Variants in CELF2 observed in about 807,000 individuals in gnomAD.
CELF2 encodes CUG triplet repeat RNA-binding protein 2.
Under a neutral mutation model 62.6 loss-of-function variants are expected in CELF2, and 8 were observed. The ratio of observed to expected loss-of-function variants is 0.13; its 90% CI spans 0.07 to 0.23. The LOEUF is 0.23. Ranked by LOEUF, CELF2 falls within the 10% of genes least tolerant of loss-of-function variation. The probability of loss-of-function intolerance (pLI) is 1.00; values close to 1 mark genes in which losing one functional copy is unlikely to be tolerated. For synonymous variants in CELF2, 258 were observed against 250.0 expected, an observed-to-expected ratio of 1.03 and a Z score of -0.30; for missense variants, 333 against 671.0, an observed-to-expected ratio of 0.50 and a Z score of 5.56.
chr10:10,490,003 T>G, the CELF2 span, among the ~76,000 whole-genome samples: 1 of 152,136 alleles, frequency 6.6e-6, no homozygotes, highest in African/African-American at 2.4e-5. Flanking sequence ...CAGAGTACTT[T>G]ATGGCATGAC....
At chr10:10,643,591 G>T in the CELF2 span, among the ~76,000 whole-genome samples, 6 of 152,024 alleles carry the variant, frequency 3.9e-5, no homozygotes, top group Non-Finnish European at 7.4e-5. Context: ...TTGAAAAATT[G>T]GACCACAGAA....
At chr10:11,131,114 C>T (rs1468920990) in intron 1 of CELF2, among the ~76,000 whole-genome samples, 2 of 152,218 alleles carry the variant, frequency 1.3e-5, no homozygotes, top group Non-Finnish European at 2.9e-5. Flanking sequence ...CAATACACCT[C>T]AAAGTTTGAA....
At chr10:10,821,155 T>C (rs545784276) in intron 1 of CELF2, among the ~76,000 whole-genome samples, 1 of 152,342 alleles carries the variant, frequency 6.6e-6, no homozygotes, top group South Asian at 2.1e-4. Context: ...GATTGAATCC[T>C]GCCAGGCAAC....
rs202135447 is a variant in CELF2, at chr10:10,823,073, C to CA, written c.53+24262dup. 9.3e-3 allele frequency among the ~76,000 whole-genome samples: 1,416 copies of CA among 151,936 alleles called. 19 individuals carry two copies. The highest frequency in any genetic ancestry group is 0.032 in the African/African-American group (1,330 of 41,472). On this transcript the variant is annotated intron_variant, in intron 1 of 13. Coordinates refer to the CELF2 transcript ENST00000636488. ...AATAAAATATTTTCTTGAAATGGAG[C>CA]AAAAAAGACCCTTAAAATGGCATAT...
chr10:10,829,180 T>C (rs1219795615), intron 1 of CELF2, among the ~76,000 whole-genome samples: 1 of 152,252 alleles, frequency 6.6e-6, no homozygotes, highest in Non-Finnish European at 1.5e-5. Context: ...GATACGTATC[T>C]TGAATATTGA....
At position 11,224,998 on chromosome 10, in the gene CELF2, TG is replaced by T. The variant is rs767833067; in HGVS notation, c.354+7495del. 2.6e-5 allele frequency among the ~76,000 whole-genome samples: 4 copies of T among 152,092 alleles called. No individual in the cohort carries two copies. The highest frequency in any genetic ancestry group is 5.9e-5 in the Non-Finnish European group (4 of 68,016). ...GCTGGACACTTACAGGAGGGCGGTG[TG>T]GGGAGGGAAAGAAGTTTCGTCTGTC... On this transcript the variant is annotated intron_variant, in intron 3 of 12. Transcript: ENST00000633077. The surrounding 1 kb of genome is among the most constrained non-coding windows in gnomAD (Gnocchi z 4.5).
chr10:10,653,311 G>A, the CELF2 span, among the ~76,000 whole-genome samples: 1 of 150,316 alleles, frequency 6.7e-6, no homozygotes, highest in African/African-American at 2.4e-5. Context: ...AGATCAACGA[G>A]ACAGAAAGTC....
the CELF2 span, among the ~76,000 whole-genome samples, chr10:10,671,725 T>A: frequency 4.6e-5 from 7 of 151,986 alleles, no homozygotes; most frequent in Non-Finnish European, 1.0e-4. Flanking sequence ...TTGCCATCTG[T>A]ATGTCTTTTT....
chr10:11,154,766 T>C (rs1382854687), intron 1 of CELF2, among the ~76,000 whole-genome samples: 1 of 152,222 alleles, frequency 6.6e-6, no homozygotes, highest in Non-Finnish European at 1.5e-5. Context: ...TAAAGTTTAC[T>C]TCTGGATTCA....
At chr10:10,890,097 G>C (rs558089504) in intron 1 of CELF2, among the ~76,000 whole-genome samples, 11 of 152,300 alleles carry the variant, frequency 7.2e-5, no homozygotes, top group African/African-American at 2.4e-4. Context: ...AATTTCAGTG[G>C]CATGTAGATA....
the CELF2 span, among the ~76,000 whole-genome samples, chr10:10,567,116 C>T: frequency 6.6e-6 from 1 of 152,096 alleles, no homozygotes; most frequent in Non-Finnish European, 1.5e-5. Flanking sequence ...GCAAAATTTC[C>T]AGGTAGACTT....
At chr10:11,097,029 G>A (rs913593956) in intron 1 of CELF2, among the ~76,000 whole-genome samples, 3 of 152,144 alleles carry the variant, frequency 2.0e-5, no homozygotes, top group South Asian at 2.1e-4. Flanking sequence ...GAAACGAAGA[G>A]TTTTTATCCC....
intron 1 of CELF2, among the ~76,000 whole-genome samples, chr10:11,018,382 G>C (rs1367680986): frequency 6.6e-6 from 1 of 151,714 alleles, no homozygotes; most frequent in East Asian, 1.9e-4. Context: ...TTCCCGGAGG[G>C]ACGAGCGGAG....
the CELF2 span, among the ~76,000 whole-genome samples, chr10:10,735,679 T>G: frequency 4.1e-4 from 62 of 152,334 alleles, no homozygotes; most frequent in Non-Finnish European, 6.3e-4. Context: ...CTTCTTATTT[T>G]TTGACTGAAT....
chr10:10,785,337 A>C, the CELF2 span, among the ~76,000 whole-genome samples: 1 of 152,228 alleles, frequency 6.6e-6, no homozygotes, highest in Non-Finnish European at 1.5e-5. Context: ...CAGCCCAGAC[A>C]GAATTATGAT....
At chr10:11,168,998 A>C (rs1447958281) in intron 2 of CELF2, 1 of 152,198 alleles carries the variant, frequency 6.6e-6, no homozygotes, top group African/African-American at 2.4e-5. Flanking sequence ...AGAGTTAAGA[A>C]CATGGCTTCT....
At chr10:11,248,097 G>C (rs1022521636) in intron 3 of CELF2, among the ~76,000 whole-genome samples, 11 of 152,368 alleles carry the variant, frequency 7.2e-5, no homozygotes, top group Admixed American at 6.5e-5. Flanking sequence ...AAGGTGCCGA[G>C]AGAATGGGAC....
the CELF2 span, among the ~76,000 whole-genome samples, chr10:10,746,014 C>G: frequency 2.6e-5 from 4 of 152,192 alleles, no homozygotes; most frequent in Admixed American, 2.6e-4. Flanking sequence ...TTATTAGTAT[C>G]TCAAACTGCT....
the CELF2 span, among the ~76,000 whole-genome samples, chr10:10,584,709 T>G: frequency 6.6e-6 from 1 of 152,210 alleles, no homozygotes. Context: ...CCACTGTCTT[T>G]AACGCTATGT....
Sources: allele counts gnomAD v4.1 joint callset (sites outside exome capture counted in the v4.1 genomes callset), GRCh38; gene constraint gnomAD v4.1.1; non-coding constraint Gnocchi (gnomAD v3.1); transcripts MANE v1.5; gene names NCBI Gene and HGNC (gene_info 2026-07-23, HGNC 2026-07-21).